Variants in SAMD12 observed in about 807,000 individuals in gnomAD.
SAMD12 encodes sterile alpha motif domain-containing protein 12.
In SAMD12, 9 loss-of-function variants were observed where a neutral mutation model predicts 15.0. The ratio of observed to expected loss-of-function variants is 0.60; its 90% CI spans 0.36 to 1.05. The LOEUF is 1.05. Among genes scored for constraint, SAMD12 ranks in the 50% least tolerant of loss-of-function variants. SAMD12 has a pLI of 0.01. For missense variants in SAMD12, 230 were observed against 234.2 expected, an observed-to-expected ratio of 0.98 and a Z score of 0.12; for synonymous variants, 86 against 90.1, an observed-to-expected ratio of 0.96 and a Z score of 0.25.
chr8:118,380,318 C>T (rs1819606385), intron 3 of SAMD12, among the ~76,000 whole-genome samples: 1 of 152,096 alleles, frequency 6.6e-6, no homozygotes, highest in Non-Finnish European at 1.5e-5. Context: ...CAATTACTGG[C>T]CTAATGCAAG....
intron 2 of SAMD12, among the ~76,000 whole-genome samples, chr8:118,550,301 G>A (rs1443705838): frequency 3.3e-5 from 5 of 152,170 alleles, no homozygotes; most frequent in Non-Finnish European, 7.3e-5. Context: ...ACCCACAAAG[G>A]GAAGCCCATC....
intron 3 of SAMD12, among the ~76,000 whole-genome samples, chr8:118,436,540 A>G (rs1329843507): frequency 1.3e-5 from 2 of 152,174 alleles, no homozygotes; most frequent in Non-Finnish European, 2.9e-5. Context: ...TTTGTATATA[A>G]CACTGATATA....
At chr8:118,482,511 C>A (rs115885000) in intron 2 of SAMD12, among the ~76,000 whole-genome samples, 2 of 152,000 alleles carry the variant, frequency 1.3e-5, no homozygotes, top group Non-Finnish European at 2.9e-5. Context: ...AGACTTTTCC[C>A]CCTTATTGTT....
At chr8:118,522,663 C>G (rs762841523) in intron 2 of SAMD12, among the ~76,000 whole-genome samples, 13 of 152,070 alleles carry the variant, frequency 8.5e-5, no homozygotes, top group Non-Finnish European at 1.8e-4. Context: ...CATGTCTTTC[C>G]AGATTTGTTA....
At chr8:118,178,484 T>C in the SAMD12 span, among the ~76,000 whole-genome samples, 1 of 152,174 alleles carries the variant, frequency 6.6e-6, no homozygotes, top group Non-Finnish European at 1.5e-5. Context: ...ATTGTTTTTT[T>C]TAGACAGTCT....
chr8:118,482,288 TAC>T (rs1035630308), intron 2 of SAMD12, among the ~76,000 whole-genome samples: 1 of 152,206 alleles, frequency 6.6e-6, no homozygotes, highest in African/African-American at 2.4e-5. Context: ...GCCCTAGAGT[TAC>T]AGAGACTTTT....
chr8:118,418,554 C>T (rs1252234285), intron 3 of SAMD12, among the ~76,000 whole-genome samples: 1 of 152,086 alleles, frequency 6.6e-6, no homozygotes, highest in Non-Finnish European at 1.5e-5. Flanking sequence ...GTCTCTACTA[C>T]TAAAAATACA....
intron 4 of SAMD12, among the ~76,000 whole-genome samples, chr8:118,215,152 G>A (rs1177047214): frequency 6.6e-6 from 1 of 152,142 alleles, no homozygotes; most frequent in Non-Finnish European, 1.5e-5. Flanking sequence ...TCTAAAACAA[G>A]TATTGGCAAA....
the SAMD12 span, among the ~76,000 whole-genome samples, chr8:118,172,331 G>A: frequency 6.6e-6 from 1 of 152,146 alleles, no homozygotes; most frequent in South Asian, 2.1e-4. Flanking sequence ...AAAAAAGAAA[G>A]AAAAAGAAAC....
At chr8:118,506,625 C>A (rs1824928329) in intron 2 of SAMD12, among the ~76,000 whole-genome samples, 1 of 151,926 alleles carries the variant, frequency 6.6e-6, no homozygotes, top group Non-Finnish European at 1.5e-5. Context: ...TGACTTGAGG[C>A]ATGAAGAGTC....
intron 4 of SAMD12, among the ~76,000 whole-genome samples, chr8:118,294,064 T>C (rs1218109266): frequency 6.6e-6 from 1 of 152,184 alleles, no homozygotes; most frequent in Non-Finnish European, 1.5e-5. Flanking sequence ...TGCTCCCCAG[T>C]GTGATGGCAG....
At chr8:118,432,856 C>T (rs1365431761) in intron 3 of SAMD12, among the ~76,000 whole-genome samples, 2 of 152,126 alleles carry the variant, frequency 1.3e-5, no homozygotes, top group Non-Finnish European at 2.9e-5. Flanking sequence ...CCACCCCTAG[C>T]ACCACCACCA....
At chr8:118,154,713 G>A in the SAMD12 span, among the ~76,000 whole-genome samples, 1 of 152,112 alleles carries the variant, frequency 6.6e-6, no homozygotes, top group Admixed American at 6.5e-5. Context: ...TAGACATTGT[G>A]CATCCTATGG....
At chr8:118,509,082 G>A (rs4551393) in intron 2 of SAMD12, among the ~76,000 whole-genome samples, 28,528 of 152,086 alleles carry the variant, frequency 0.19, 2,827 homozygotes, top group South Asian at 0.4. Flanking sequence ...TTCCCTTAAG[G>A]TTCAGTAATT....
intron 2 of SAMD12, among the ~76,000 whole-genome samples, chr8:118,552,988 C>T (rs77645539): frequency 6.6e-6 from 1 of 151,992 alleles, no homozygotes; most frequent in Non-Finnish European, 1.5e-5. Flanking sequence ...CATGAAGGAC[C>T]TCTTCAAGGA....
At chr8:118,421,686 T>C (rs915113644) in intron 3 of SAMD12, among the ~76,000 whole-genome samples, 3 of 152,184 alleles carry the variant, frequency 2.0e-5, no homozygotes, top group Non-Finnish European at 2.9e-5. Flanking sequence ...AATAGAAGCT[T>C]TTTAGATAAA....
chr8:118,369,938 C>T (rs115201997), intron 4 of SAMD12, among the ~76,000 whole-genome samples: 2 of 151,996 alleles, frequency 1.3e-5, no homozygotes, highest in Non-Finnish European at 2.9e-5. Flanking sequence ...AATTAAAGAG[C>T]TCTGTACAGC....
intron 4 of SAMD12, among the ~76,000 whole-genome samples, chr8:118,203,384 T>TTGTGTGTG (rs55916454): frequency 6.7e-6 from 1 of 149,130 alleles, no homozygotes; most frequent in African/African-American, 2.5e-5. Flanking sequence ...TGGTAACAAC[T>TTGTGTGTG]TGTGTGTGTG....
At position 118,386,940 on chromosome 8, in the gene SAMD12, G is replaced by A. The variant is rs1819994741; in HGVS notation, c.323-7240C>T. On this transcript the variant is annotated intron_variant, in intron 3 of 3. Transcript: ENST00000314727. ...GGGGGTGCCACTTTTCCCAGAATAG[G>A]ATGAATTACAACGCCTCTTTTCTGC... 2.0e-5 allele frequency among the ~76,000 whole-genome samples: 3 copies of A among 152,314 alleles called. No individual in the cohort carries two copies. In the South Asian group the frequency reaches 6.2e-4, roughly 32 times the overall value.
Sources: gnomAD v4.1 joint callset for allele counts (sites outside exome capture counted in the v4.1 genomes callset) on GRCh38, gnomAD v4.1.1 for gene constraint, MANE v1.5 for transcripts, NCBI Gene and HGNC (gene_info 2026-07-23, HGNC 2026-07-21) for gene names.